ATF2: variants seen among roughly 807,000 people sequenced by gnomAD.
The protein encoded by ATF2 is cyclic AMP-dependent transcription factor ATF-2.
A neutral mutation model predicts 60.6 loss-of-function variants in ATF2; 24 were observed. The observed-to-expected ratio is 0.40, with a 90% CI of 0.29 to 0.56. The LOEUF is 0.56. Ranked by LOEUF, ATF2 falls within the 20% of genes least tolerant of loss-of-function variation. ATF2 has a pLI of 0.54. For synonymous variants in ATF2, 206 were observed against 215.4 expected (o/e 0.96, Z 0.38); for missense variants, 433 against 607.7 (o/e 0.71, Z 3.02).
chr2:175,124,391 G>A (rs1697180837), intron 4 of ATF2, among the ~76,000 whole-genome samples: 1 of 151,662 alleles, frequency 6.6e-6, no homozygotes, highest in Non-Finnish European at 1.5e-5. Flanking sequence ...TAGATCAGTT[G>A]CTTCTATAAT....
At chr2:175,121,231 T>G (rs1277020898) in intron 5 of ATF2, among the ~76,000 whole-genome samples, 1 of 151,780 alleles carries the variant, frequency 6.6e-6, no homozygotes, top group East Asian at 1.9e-4. Flanking sequence ...AAAATCGACA[T>G]TGGAATATAA....
intron 13 of ATF2, among the ~76,000 whole-genome samples, chr2:175,075,934 A>C (rs1574297171): frequency 6.6e-6 from 1 of 152,302 alleles, no homozygotes; most frequent in African/African-American, 2.4e-5. Flanking sequence ...CTTGGCATTA[A>C]AACTTTTTTT....
chr2:175,146,900 T>C (rs1698997845), intron 2 of ATF2, among the ~76,000 whole-genome samples: 2 of 152,160 alleles, frequency 1.3e-5, no homozygotes, highest in African/African-American at 4.8e-5. Context: ...GAGTACTGTA[T>C]AACCATTATA....
chr2:175,159,982 G>T (rs76119430), intron 1 of ATF2, among the ~76,000 whole-genome samples: 142 of 152,212 alleles, frequency 9.3e-4, no homozygotes, highest in African/African-American at 3.4e-3. Context: ...AAAGCAAAAA[G>T]AAAATAGAAA....
At chr2:175,086,986 T>TACAC (rs565556578) in intron 12 of ATF2, among the ~76,000 whole-genome samples, 1 of 151,692 alleles carries the variant, frequency 6.6e-6, no homozygotes. Context: ...AAACAGAGGT[T>TACAC]ACACACACAC....
At chr2:175,120,990 C>T (rs1362901668) in intron 5 of ATF2, among the ~76,000 whole-genome samples, 4 of 151,454 alleles carry the variant, frequency 2.6e-5, no homozygotes, top group Non-Finnish European at 4.4e-5. Flanking sequence ...TTTACTAATA[C>T]AAATGTTTAG....
chr2:175,108,451 CGGGA>C (rs1250004027), intron 10 of ATF2, among the ~76,000 whole-genome samples: 2 of 146,978 alleles, frequency 1.4e-5, no homozygotes, highest in East Asian at 4.0e-4. Flanking sequence ...CAGCCCCGTC[CGGGA>C]GGGAGGTGGG....
At chr2:175,134,804 C>T (rs1698018353) in intron 3 of ATF2, among the ~76,000 whole-genome samples, 1 of 151,450 alleles carries the variant, frequency 6.6e-6, no homozygotes, top group Non-Finnish European at 1.5e-5. Flanking sequence ...GGAAAGACGG[C>T]GTGACCCCAT....
chr2:175,114,992 TCTCAA>T, intron 7 of ATF2, 124 bp from the exon 8 acceptor site: 5 of 794,038 alleles, frequency 6.3e-6, no homozygotes, highest in Non-Finnish European at 9.0e-6. Flanking sequence ...CAAATTAATA[TCTCAA>T]ATTAATTAAA....
intron 12 of ATF2, among the ~76,000 whole-genome samples, chr2:175,083,646 G>A (rs1461491657): frequency 1.3e-5 from 2 of 152,038 alleles, no homozygotes; most frequent in Non-Finnish European, 1.5e-5. Flanking sequence ...TGACAAATGG[G>A]ATCTAATTAA....
At chr2:175,130,846 T>G (rs1211598911) in intron 3 of ATF2, among the ~76,000 whole-genome samples, 5 of 152,182 alleles carry the variant, frequency 3.3e-5, no homozygotes, top group Non-Finnish European at 7.4e-5. Flanking sequence ...TATCTCTAAC[T>G]CTGATCTCTT....
intron 13 of ATF2, among the ~76,000 whole-genome samples, chr2:175,078,013 G>A (rs1336582821): frequency 6.6e-6 from 1 of 152,306 alleles, no homozygotes; most frequent in African/African-American, 2.4e-5. Context: ...TGTCGCCCAG[G>A]CTGGAGTGCT....
chr2:175,154,333 C>T (rs967296588), intron 1 of ATF2, among the ~76,000 whole-genome samples: 3 of 151,726 alleles, frequency 2.0e-5, no homozygotes, highest in African/African-American at 7.3e-5. Context: ...TGACGATCAT[C>T]AGTGTCACTG....
intron 3 of ATF2, among the ~76,000 whole-genome samples, chr2:175,131,927 T>A (rs1697758004): frequency 6.6e-6 from 1 of 152,204 alleles, no homozygotes; most frequent in Admixed American, 6.5e-5. Context: ...TCACTGCATG[T>A]TAACACATAT....
intron 1 of ATF2, among the ~76,000 whole-genome samples, chr2:175,164,860 TTTTTG>T (rs1196921556): frequency 1.3e-5 from 2 of 152,154 alleles, no homozygotes; most frequent in African/African-American, 4.8e-5. Flanking sequence ...AATTTTTTGG[TTTTTG>T]TTTTGTTTTG....
chr2:175,087,420 G>A (rs1280815775), intron 12 of ATF2, among the ~76,000 whole-genome samples: 1 of 152,046 alleles, frequency 6.6e-6, no homozygotes, highest in Non-Finnish European at 1.5e-5. Flanking sequence ...CTAATAATGT[G>A]GCTACTCAAA....
intron 2 of ATF2, among the ~76,000 whole-genome samples, chr2:175,143,472 G>T (rs185126503): frequency 6.6e-6 from 1 of 152,042 alleles, no homozygotes; most frequent in African/African-American, 2.4e-5. Flanking sequence ...ACAAATCTTT[G>T]TGCAATATCT....
rs879552350 is a variant in ATF2 at position 175,142,714 on chromosome 2, A to AGTGTGTGT, written c.-43-6229_-43-6228insACACACAC. On this transcript the variant is annotated intron_variant, in intron 2 of 13. Coordinates refer to ENST00000264110, the MANE Select transcript of ATF2 (RefSeq NM_001880.4). ...GAGAGAGAGAGAGAGAGAGAGAGAG[A>AGTGTGTGT]GAGAGAGTGTGTGTGTGTGTGTGTG... Among the ~76,000 whole-genome samples the AGTGTGTGT allele has an allele frequency of 4.8e-5, 6 of 124,688 alleles. 1 individual carries two copies. The highest frequency in any genetic ancestry group is 8.7e-5 in the Admixed American group (1 of 11,444). 81.8% of individuals were successfully genotyped at this position (124,688 alleles called of 152,430 possible).
intron 12 of ATF2, 96 bp from the exon 13 acceptor site, chr2:175,080,861 T>C: frequency 1.1e-6 from 1 of 892,836 alleles, no homozygotes; most frequent in Non-Finnish European, 1.7e-6. Flanking sequence ...TGGACATCAC[T>C]GGCAGAACAT....
Sources: allele counts gnomAD v4.1 joint callset (sites outside exome capture counted in the v4.1 genomes callset), GRCh38; gene constraint gnomAD v4.1.1; transcripts MANE v1.5; gene names NCBI Gene and HGNC (gene_info 2026-07-23, HGNC 2026-07-21).